The following SFXN5 variants were observed in gnomAD, a reference collection of about 807,000 sequenced individuals.
The protein encoded by SFXN5 is sideroflexin-5.
In SFXN5, 43 loss-of-function variants were observed where a neutral mutation model predicts 50.2. The ratio of observed to expected loss-of-function variants is 0.86; its 90% CI spans 0.67 to 1.11. SFXN5 has a LOEUF of 1.11. Among genes scored for constraint, SFXN5 ranks in the 50% least tolerant of loss-of-function variants. The pLI, the probability that SFXN5 is intolerant of heterozygous loss-of-function variation, is 0.00. For synonymous variants in SFXN5, 203 were observed against 185.8 expected, an observed-to-expected ratio of 1.09 and a Z score of -0.75; for missense variants, 463 against 454.1, an observed-to-expected ratio of 1.02 and a Z score of -0.18.
rs1056149263 is a variant in SFXN5 at position 72,945,851 on chromosome 2, C to T, written c.946-752G>A. Among the ~76,000 whole-genome samples the T allele has an allele frequency of 3.3e-5, 5 of 151,886 alleles. No homozygotes were observed. Among genetic ancestry groups the T allele is most frequent in the Admixed American group, 1.3e-4 (2 of 15,258 alleles). On this transcript the variant is annotated intron_variant, in intron 13 of 13. Coordinates refer to ENST00000272433, the MANE Select transcript of SFXN5 (RefSeq NM_144579.3). This position sits in a 1 kb window ranked among gnomAD's most constrained non-coding sequence, Gnocchi z 5.8. ...AACCACCCCACCCCTGCCCCCATAGCCAGGTCAGCTCCCTCGCCCACTCTC... is the reference window on the plus strand; with the variant it reads ...AACCACCCCACCCCTGCCCCCATAGTCAGGTCAGCTCCCTCGCCCACTCTC...
At chr2:73,026,243 T>G (rs1677539235) in intron 3 of SFXN5, among the ~76,000 whole-genome samples, 1 of 151,350 alleles carries the variant, frequency 6.6e-6, no homozygotes, top group African/African-American at 2.4e-5. Context: ...TTCTTGTGCC[T>G]CAGCCTCCCC....
chr2:73,032,554 T>C (rs1678452980), intron 3 of SFXN5, among the ~76,000 whole-genome samples: 1 of 152,150 alleles, frequency 6.6e-6, no homozygotes, highest in Non-Finnish European at 1.5e-5. Flanking sequence ...AAGTTCGGTG[T>C]AGAGTCCAAG....
intron 10 of SFXN5, among the ~76,000 whole-genome samples, chr2:72,977,388 G>A (rs1449124381): frequency 6.6e-6 from 1 of 152,050 alleles, no homozygotes; most frequent in Non-Finnish European, 1.5e-5. Context: ...AAAAAGATAT[G>A]GTGATCAAAA....
In SFXN5 at chr2:72,998,824, C is replaced by A. The variant is rs1001255874; in HGVS notation, c.534+125G>T. The A allele has an allele frequency of 2.9e-6, 3 of 1,035,544 alleles. 1 individual carries two copies. Among genetic ancestry groups the A allele is most frequent in the Non-Finnish European group, 4.3e-6 (3 of 695,924 alleles). 64.1% of individuals were successfully genotyped at this position (1,035,544 alleles called of 1,614,324 possible). On this transcript the variant is annotated intron_variant, in intron 9 of 13. Transcript: ENST00000272433. Reference sequence around the variant, plus strand: ...TGGAAAGCCTGTCCTGACTCCTCCACCCACAGAAACCTGTCTCCCAAATCC... The same window carrying A: ...TGGAAAGCCTGTCCTGACTCCTCCAACCACAGAAACCTGTCTCCCAAATCC...
At chr2:72,959,158 C>T (rs147426885) in intron 13 of SFXN5, among the ~76,000 whole-genome samples, 10 of 152,290 alleles carry the variant, frequency 6.6e-5, no homozygotes, top group African/African-American at 2.2e-4. Context: ...GATTCAGAAG[C>T]GCCGCTTTCT....
At chr2:73,050,972 C>T (rs561478873) in intron 2 of SFXN5, among the ~76,000 whole-genome samples, 2 of 152,366 alleles carry the variant, frequency 1.3e-5, no homozygotes, top group African/African-American at 4.8e-5. Context: ...GAGATTTCTG[C>T]CACATACCCT....
At chr2:73,062,420 G>A (rs980904479) in intron 1 of SFXN5, among the ~76,000 whole-genome samples, 1 of 152,194 alleles carries the variant, frequency 6.6e-6, no homozygotes, top group Non-Finnish European at 1.5e-5. Flanking sequence ...AGCAGGGGAA[G>A]AGGAGAGAAC....
At chr2:72,968,407 TC>T in intron 12 of SFXN5, 40 bp downstream of exon 12, 1 of 901,744 alleles carries the variant, frequency 1.1e-6, no homozygotes, top group Non-Finnish European at 1.7e-6. Context: ...CTCCCCCTCC[TC>T]CCCCATGGTG....
intron 2 of SFXN5, chr2:73,041,678 T>C (rs1559191213): frequency 5.0e-6 from 2 of 396,944 alleles, no homozygotes; most frequent in Admixed American, 2.9e-5. Flanking sequence ...AAGAAAAAAA[T>C]AGAAAGCCTT....
intron 3 of SFXN5, 124 bp downstream of exon 3, chr2:73,040,730 G>C: frequency 1.5e-6 from 1 of 684,344 alleles, no homozygotes; most frequent in Non-Finnish European, 2.4e-6. Flanking sequence ...AGTCCACAGG[G>C]GTATGTACCA....
At chr2:72,983,024 A>G (rs1255275438) in intron 10 of SFXN5, among the ~76,000 whole-genome samples, 1 of 152,216 alleles carries the variant, frequency 6.6e-6, no homozygotes, top group African/African-American at 2.4e-5. Context: ...ACAGGTGCAC[A>G]CTGCTGCCTC....
intron 11 of SFXN5, 101 bp from the exon 12 acceptor site, chr2:72,968,634 G>A: frequency 9.5e-7 from 1 of 1,055,636 alleles, no homozygotes; most frequent in African/African-American, 1.6e-5. Context: ...ACGCATGTGT[G>A]TCTGAATGGC....
At chr2:73,070,112 A>T (rs1005155535) in intron 1 of SFXN5, among the ~76,000 whole-genome samples, 3 of 152,170 alleles carry the variant, frequency 2.0e-5, no homozygotes, top group African/African-American at 7.2e-5. Context: ...TTTGCCAGAG[A>T]GGCAGGCCCG....
rs1682588526 is a variant in SFXN5 at position 73,059,649 on chromosome 2, C to T, written c.103-1053G>A. The T allele has an allele frequency of 1.5e-5, 13 of 884,440 alleles. 2 individuals are homozygous for T. Among genetic ancestry groups the T allele is most frequent in the Non-Finnish European group, 1.6e-5 (12 of 746,288 alleles). The allele number at this position is 884,440 out of a possible 1,614,324, so 54.8% of individuals were successfully genotyped here. A position where few individuals can be genotyped will look rare whatever the true frequency, so the allele number is the denominator to read the frequency against. ...CACCCCTGCATGAAGCAACCTCTAA[C>T]CCCTAATGCCACCCCTACCCAGGTG... is the stretch of plus-strand genomic sequence containing the variant. On this transcript the variant is annotated intron_variant, in intron 1 of 13. Transcript: ENST00000272433.
At chr2:72,964,835 A>G (rs1045927648) in intron 12 of SFXN5, among the ~76,000 whole-genome samples, 2 of 152,152 alleles carry the variant, frequency 1.3e-5, no homozygotes, top group Non-Finnish European at 2.9e-5. Context: ...GGAGCCTGAG[A>G]TGTGAGAGTA....
At chr2:73,039,537 T>A (rs531277882) in intron 3 of SFXN5, among the ~76,000 whole-genome samples, 8 of 152,118 alleles carry the variant, frequency 5.3e-5, no homozygotes, top group Non-Finnish European at 8.8e-5. Flanking sequence ...CAAGAGTGAG[T>A]ATGGATGGCG....
At position 72,960,856 on chromosome 2, in the gene SFXN5, C is replaced by T. The variant is rs1275000643; in HGVS notation, c.945+275G>A. ...CCAGTCCCAGTGAAATGTCACTTCC[C>T]TCTAGGCTCAGTTTGGTCTGCTGTC... On this transcript the variant is annotated intron_variant, in intron 13 of 13. Transcript: ENST00000272433. The surrounding 1 kb of genome is among the most constrained non-coding windows in gnomAD (Gnocchi z 6.1). Among the ~76,000 whole-genome samples the T allele has an allele frequency of 1.3e-5, 2 of 152,218 alleles. No homozygotes were observed. The highest frequency in any genetic ancestry group is 1.3e-4 in the Admixed American group (2 of 15,290).
At position 72,968,360 on chromosome 2, in the gene SFXN5, C is replaced by G. The variant is rs1674707719; in HGVS notation, c.827+88G>C. On this transcript the variant is annotated intron_variant, in intron 12 of 13. Coordinates refer to ENST00000272433, the MANE Select transcript of SFXN5 (RefSeq NM_144579.3). ...ACTGGGGTGGGCTTCCTGCCACCCC[C>G]TCATCTCTTGCCTGGGCCAGCCGGT... 1.0e-5 allele frequency: 13 copies of G among 1,279,596 alleles called. No homozygotes were observed. In the Admixed American group the frequency reaches 2.2e-4, roughly 22 times the overall value. The allele number at this position is 1,279,596 out of a possible 1,614,324, so 79.3% of individuals were successfully genotyped here.
Position 73,027,285 on chromosome 2 carries a change from C to T in SFXN5, c.250-4071G>A, listed in dbSNP as rs535528766. 2.5e-4 allele frequency among the ~76,000 whole-genome samples: 38 copies of T among 152,094 alleles called. 2 individuals carry two copies. Among genetic ancestry groups the T allele is most frequent in the Middle Eastern group, 6.8e-3 (2 of 294 alleles). The stretch of plus-strand genomic sequence containing the variant: ...TTTGTGTCTTACTTTTTAACAAAAA[C>T]GTTTAGAAAGTTTTTTAAAAAAGTA... On this transcript the variant is annotated intron_variant, in intron 3 of 13. Coordinates refer to ENST00000272433, the MANE Select transcript of SFXN5 (RefSeq NM_144579.3).
Sources: gnomAD v4.1 joint callset for allele counts (sites outside exome capture counted in the v4.1 genomes callset) on GRCh38, gnomAD v4.1.1 for gene constraint, Gnocchi (gnomAD v3.1) non-coding constraint, MANE v1.5 for transcripts, NCBI Gene and HGNC (gene_info 2026-07-23, HGNC 2026-07-21) for gene names.